The following FHIT variants were observed in gnomAD, a reference collection of about 807,000 sequenced individuals.
The protein encoded by FHIT is bis(5'-adenosyl)-triphosphatase.
FHIT carries 19 observed loss-of-function variants against 17.9 expected under a neutral mutation model. That is an observed-to-expected ratio of 1.06 (90% CI 0.74 to 1.56). The LOEUF (loss-of-function observed/expected upper bound fraction) is 1.56, where lower values mean the gene tolerates loss of function less well. Among genes scored for constraint, FHIT ranks in the 40% most tolerant of loss-of-function variants. The probability of loss-of-function intolerance (pLI) is 0.00; values close to 1 mark genes in which losing one functional copy is unlikely to be tolerated. For synonymous variants in FHIT, 81 were observed against 69.7 expected, an observed-to-expected ratio of 1.16 and a Z score of -0.81; for missense variants, 248 against 189.2, an observed-to-expected ratio of 1.31 and a Z score of -1.82.
At chr3:59,897,200 G>A (rs956685336) in intron 8 of FHIT, among the ~76,000 whole-genome samples, 2 of 152,164 alleles carry the variant, frequency 1.3e-5, no homozygotes, top group African/African-American at 4.8e-5. Context: ...ATCTAATTCT[G>A]CACTGTCTAT....
At chr3:60,734,558 G>A (rs782529845) in intron 4 of FHIT, among the ~76,000 whole-genome samples, 8 of 152,062 alleles carry the variant, frequency 5.3e-5, no homozygotes, top group South Asian at 2.1e-4. Context: ...TGGCACCACC[G>A]GCATCCCGCC....
At chr3:59,769,844 G>A (rs17295070) in intron 8 of FHIT, among the ~76,000 whole-genome samples, 39,105 of 151,500 alleles carry the variant, frequency 0.26, 5,303 homozygotes, top group Admixed American at 0.36. Context: ...TGATTTACAC[G>A]GATTGAACTG....
At chr3:60,780,199 C>T (rs1171301570) in intron 4 of FHIT, among the ~76,000 whole-genome samples, 1 of 152,166 alleles carries the variant, frequency 6.6e-6, no homozygotes, top group Non-Finnish European at 1.5e-5. Context: ...GCATCCTGAA[C>T]CTCTGGGACT....
At chr3:60,730,275 C>A in intron 4 of FHIT, 1 of 265,364 alleles carries the variant, frequency 3.8e-6, no homozygotes, top group South Asian at 5.3e-5. Context: ...CTAGTTTGTT[C>A]TGGTGAGCTT....
At chr3:60,953,187 C>A (rs1012047862) in intron 3 of FHIT, among the ~76,000 whole-genome samples, 1 of 152,074 alleles carries the variant, frequency 6.6e-6, no homozygotes, top group Admixed American at 6.6e-5. Flanking sequence ...AATATAAGTG[C>A]CAAAAATATA....
chr3:60,695,938 T>C (rs1559646561), intron 4 of FHIT, among the ~76,000 whole-genome samples: 1 of 152,206 alleles, frequency 6.6e-6, no homozygotes, highest in African/African-American at 2.4e-5. Context: ...TGTACATGAA[T>C]GGTTTTAAAG....
chr3:59,799,829 G>GA (rs1283735661), intron 8 of FHIT, among the ~76,000 whole-genome samples: 1 of 152,152 alleles, frequency 6.6e-6, no homozygotes, highest in Non-Finnish European at 1.5e-5. Flanking sequence ...TGTCTTGCAA[G>GA]AAAAAAGTCC....
intron 3 of FHIT, among the ~76,000 whole-genome samples, chr3:61,040,654 C>G (rs148655696): frequency 6.6e-6 from 1 of 152,294 alleles, no homozygotes; most frequent in African/African-American, 2.4e-5. Context: ...AGACTACACA[C>G]GGCCCAAGGG....
intron 5 of FHIT, among the ~76,000 whole-genome samples, chr3:60,334,602 A>T (rs1002876994): frequency 5.3e-5 from 8 of 152,192 alleles, no homozygotes; most frequent in Non-Finnish European, 7.3e-5. Flanking sequence ...CATGGCCAAC[A>T]CAGTGAAATG....
intron 3 of FHIT, among the ~76,000 whole-genome samples, chr3:60,960,495 C>T (rs1396631106): frequency 2.6e-5 from 4 of 152,178 alleles, no homozygotes. Flanking sequence ...CATATGTATA[C>T]ATGTGCCATG....
At chr3:60,425,931 CA>C (rs1328859370) in intron 5 of FHIT, among the ~76,000 whole-genome samples, 4 of 152,218 alleles carry the variant, frequency 2.6e-5, no homozygotes, top group Admixed American at 2.6e-4. Context: ...TGTCTCTGAG[CA>C]GCTCACCACC....
chr3:61,045,785 C>T (rs185475718), intron 2 of FHIT, among the ~76,000 whole-genome samples: 316 of 152,316 alleles, frequency 2.1e-3, no homozygotes, highest in African/African-American at 7.1e-3. Flanking sequence ...TTATAACAAA[C>T]TGTCTCTCAG....
At chr3:59,868,942 G>A (rs1476433176) in intron 8 of FHIT, among the ~76,000 whole-genome samples, 3 of 152,150 alleles carry the variant, frequency 2.0e-5, no homozygotes, top group East Asian at 3.9e-4. Flanking sequence ...TGGGCCAATC[G>A]CTGTGGCCAA....
chr3:60,710,607 A>T (rs1459804085), intron 4 of FHIT, among the ~76,000 whole-genome samples: 1 of 152,188 alleles, frequency 6.6e-6, no homozygotes, highest in African/African-American at 2.4e-5. Context: ...GAAATGGCGC[A>T]CCAGGAGATT....
chr3:61,099,716 T>C (rs2035758352), intron 2 of FHIT, among the ~76,000 whole-genome samples: 1 of 152,204 alleles, frequency 6.6e-6, no homozygotes, highest in African/African-American at 2.4e-5. Flanking sequence ...GTGTTTATAA[T>C]ATACTCTGAT....
At chr3:60,879,208 T>A (rs1172469114) in intron 3 of FHIT, among the ~76,000 whole-genome samples, 4 of 152,206 alleles carry the variant, frequency 2.6e-5, no homozygotes, top group East Asian at 3.9e-4. Context: ...GGTATCTCAT[T>A]GTGGTTTTGA....
intron 2 of FHIT, among the ~76,000 whole-genome samples, chr3:61,195,460 AATGATGTTGATGATC>A (rs1474207013): frequency 6.6e-6 from 1 of 152,142 alleles, no homozygotes; most frequent in East Asian, 1.9e-4. Context: ...TGAAGATGAT[AATGATGTTGATGATC>A]ATGATTGTGA....
chr3:61,223,332 G>C (rs1387065964), intron 1 of FHIT, among the ~76,000 whole-genome samples: 1 of 152,118 alleles, frequency 6.6e-6, no homozygotes, highest in Non-Finnish European at 1.5e-5. Context: ...AACAATCTGA[G>C]AAACTGTCAG....
chr3:60,689,987 G>A (rs1553699214), intron 4 of FHIT, among the ~76,000 whole-genome samples: 1 of 152,122 alleles, frequency 6.6e-6, no homozygotes, highest in African/African-American at 2.4e-5. Context: ...CCACTTCTCT[G>A]TTACTGAATT....
Sources: gnomAD v4.1 joint callset for allele counts (sites outside exome capture counted in the v4.1 genomes callset) on GRCh38, gnomAD v4.1.1 for gene constraint, MANE v1.5 for transcripts, NCBI Gene and HGNC (gene_info 2026-07-23, HGNC 2026-07-21) for gene names.